DOCK1: variants seen among roughly 807,000 people sequenced by gnomAD.
The protein encoded by DOCK1 is dedicator of cytokinesis 1.
In DOCK1, 138 loss-of-function variants were observed where a neutral mutation model predicts 262.7. The observed-to-expected ratio is 0.53, with a 90% CI of 0.46 to 0.61. The LOEUF is 0.61. Ranked by LOEUF, DOCK1 falls within the 20% of genes least tolerant of loss-of-function variation. The pLI, the probability that DOCK1 is intolerant of heterozygous loss-of-function variation, is 0.00. For synonymous variants in DOCK1, 866 were observed against 867.4 expected, an observed-to-expected ratio of 1.00 and a Z score of 0.03; for missense variants, 1,908 against 2,370.7, an observed-to-expected ratio of 0.80 and a Z score of 4.05.
chr10:127,150,239 C>A (rs1446631820), intron 27 of DOCK1, among the ~76,000 whole-genome samples: 2 of 152,318 alleles, frequency 1.3e-5, no homozygotes, highest in East Asian at 1.9e-4. Flanking sequence ...CACTTTTCTA[C>A]CGAAGAAACT....
intron 44 of DOCK1, among the ~76,000 whole-genome samples, chr10:127,417,454 TC>T (rs2068228573): frequency 6.6e-6 from 1 of 152,150 alleles, no homozygotes; most frequent in African/African-American, 2.4e-5. Context: ...CAGTGGTCAG[TC>T]CCCTACCTCC....
chr10:127,122,898 C>T (rs938089246), intron 25 of DOCK1, among the ~76,000 whole-genome samples: 3 of 152,076 alleles, frequency 2.0e-5, no homozygotes, highest in Non-Finnish European at 4.4e-5. Flanking sequence ...CAAATGAGAC[C>T]AGCACACTCA....
chr10:127,130,065 CTTTTTTTTTT>C (rs74721427), intron 27 of DOCK1, among the ~76,000 whole-genome samples: 4 of 117,546 alleles, frequency 3.4e-5, no homozygotes, highest in Admixed American at 8.6e-5. Context: ...TTAGGGTCTT[CTTTTTTTTTT>C]TTTTTTTTTT....
intron 23 of DOCK1, among the ~76,000 whole-genome samples, chr10:127,093,242 CTTTTT>C (rs200302331): frequency 2.9e-4 from 23 of 79,340 alleles, no homozygotes; most frequent in Admixed American, 1.2e-3. Flanking sequence ...TTTCTTTCTT[CTTTTT>C]TTTTTTTTTT....
intron 33 of DOCK1, among the ~76,000 whole-genome samples, chr10:127,373,477 C>T (rs1270067504): frequency 3.2e-5 from 3 of 93,734 alleles, no homozygotes; most frequent in Non-Finnish European, 4.3e-5. Flanking sequence ...TTTCATGCTG[C>T]GCTTTGATTT....
intron 25 of DOCK1, among the ~76,000 whole-genome samples, chr10:127,112,121 C>T (rs2048904443): frequency 6.6e-6 from 1 of 151,948 alleles, no homozygotes; most frequent in Admixed American, 6.6e-5. Context: ...AAATGATTCT[C>T]CTGCCTCAGC....
At chr10:127,433,641 T>C (rs944489303) in intron 48 of DOCK1, among the ~76,000 whole-genome samples, 1 of 152,100 alleles carries the variant, frequency 6.6e-6, no homozygotes, top group Admixed American at 6.5e-5. Flanking sequence ...ATCCTCTCTT[T>C]GGGTACCACT....
At chr10:127,396,981 G>T (rs1211867181) in intron 38 of DOCK1, among the ~76,000 whole-genome samples, 87 of 131,882 alleles carry the variant, frequency 6.6e-4, no homozygotes, top group African/African-American at 2.7e-3. Flanking sequence ...CCTGTGATCT[G>T]AGCATCAGTT....
chr10:127,261,239 G>T (rs1476636006), intron 29 of DOCK1, among the ~76,000 whole-genome samples: 1 of 139,538 alleles, frequency 7.2e-6, no homozygotes, highest in Non-Finnish European at 1.5e-5. Context: ...GTGCGTGTGT[G>T]TACCTGCATG....
At chr10:127,406,402 T>C (rs7071109) in intron 40 of DOCK1, among the ~76,000 whole-genome samples, 63,795 of 151,952 alleles carry the variant, frequency 0.42, 13,750 homozygotes, top group East Asian at 0.63. Context: ...ATGAAAAGTC[T>C]GAATGGAGGT....
At chr10:126,985,019 C>T (rs1477078069) in intron 4 of DOCK1, among the ~76,000 whole-genome samples, 2 of 138,458 alleles carry the variant, frequency 1.4e-5, no homozygotes, top group Admixed American at 7.7e-5. Context: ...CTTGCTCTGT[C>T]GCCCAGGCTG....
At chr10:127,150,794 A>G (rs756736695) in intron 27 of DOCK1, among the ~76,000 whole-genome samples, 2 of 152,250 alleles carry the variant, frequency 1.3e-5, no homozygotes, top group Non-Finnish European at 2.9e-5. Flanking sequence ...CAGGTCAAGT[A>G]TGGATTCAGA....
intron 25 of DOCK1, among the ~76,000 whole-genome samples, chr10:127,116,987 A>G (rs2049224324): frequency 6.6e-6 from 1 of 152,146 alleles, no homozygotes; most frequent in African/African-American, 2.4e-5. Flanking sequence ...TTTATCTGTA[A>G]TACTGCACCT....
intron 29 of DOCK1, among the ~76,000 whole-genome samples, chr10:127,260,451 T>A (rs1215539948): frequency 6.6e-6 from 1 of 152,212 alleles, no homozygotes; most frequent in Non-Finnish European, 1.5e-5. Context: ...CCCTACAGTT[T>A]ATTTTCTGTT....
intron 10 of DOCK1, among the ~76,000 whole-genome samples, chr10:127,003,375 CT>C: frequency 6.6e-6 from 1 of 152,346 alleles, no homozygotes; most frequent in Admixed American, 6.5e-5. Context: ...CTGTGTGAAC[CT>C]GTGTGAAGTG....
At chr10:127,131,383 A>G (rs1184997709) in intron 27 of DOCK1, among the ~76,000 whole-genome samples, 1 of 152,184 alleles carries the variant, frequency 6.6e-6, no homozygotes, top group Non-Finnish European at 1.5e-5. Flanking sequence ...AGTAAAAAAA[A>G]TCCTTGGAGT....
chr10:127,281,212 C>T lies in DOCK1; in HGVS notation c.3044+23783C>T, dbSNP rs75266695. On this transcript the variant is annotated intron_variant, in intron 29 of 51. Coordinates refer to ENST00000623213, the MANE Select transcript of DOCK1 (RefSeq NM_001290223.2). ...CTCCAAGAAGCAAACTCATAAAGCT[C>T]GGGCTTTCCTAAAATGCATTGCCAA... Among the ~76,000 whole-genome samples the T allele has an allele frequency of 3.3e-3, 501 of 152,270 alleles. 1 individual carries two copies. Among genetic ancestry groups the T allele is most frequent in the African/African-American group, 0.01 (426 of 41,558 alleles).
chr10:127,369,593 A>G (rs1219227903), intron 33 of DOCK1, among the ~76,000 whole-genome samples: 2 of 152,210 alleles, frequency 1.3e-5, no homozygotes, highest in Admixed American at 1.3e-4. Flanking sequence ...ATGTAGACAT[A>G]AGGAGCCGCT....
chr10:127,059,998 G>A (rs1319033842), intron 22 of DOCK1, among the ~76,000 whole-genome samples: 2 of 152,108 alleles, frequency 1.3e-5, no homozygotes, highest in Admixed American at 6.5e-5. Context: ...TCAGTTTTGA[G>A]GCTACACTGG....
Sources: allele counts gnomAD v4.1 joint callset (sites outside exome capture counted in the v4.1 genomes callset), GRCh38; gene constraint gnomAD v4.1.1; transcripts MANE v1.5; gene names NCBI Gene and HGNC (gene_info 2026-07-23, HGNC 2026-07-21).